Variants in FAT3 observed in about 807,000 individuals in gnomAD.
FAT3 encodes the protein FAT atypical cadherin 3.
FAT3 carries 95 observed loss-of-function variants against 310.2 expected under a neutral mutation model. That is an observed-to-expected ratio of 0.31 (90% CI 0.26 to 0.36). FAT3 has a LOEUF of 0.36. Among genes scored for constraint, FAT3 ranks in the 10% least tolerant of loss-of-function variants. The pLI is 1.00. For missense variants in FAT3, 5,408 were observed against 5,715.6 expected (o/e 0.95, Z 1.74); for synonymous variants, 2,314 against 2,192.9 (o/e 1.06, Z -1.54).
chr11:92,248,776 A>G (rs1428878267), intron 1 of FAT3, among the ~76,000 whole-genome samples: 1 of 152,150 alleles, frequency 6.6e-6, no homozygotes, highest in Non-Finnish European at 1.5e-5. Flanking sequence ...TTAGTAAGGC[A>G]TATAGTTTCT....
chr11:92,666,286 G>A (rs895888447), intron 3 of FAT3, among the ~76,000 whole-genome samples: 37 of 151,964 alleles, frequency 2.4e-4, no homozygotes, highest in African/African-American at 8.7e-4. Flanking sequence ...TGGCTGAGGA[G>A]CAGCTAATAC....
chr11:92,788,451 T>C (rs558799988), intron 7 of FAT3, among the ~76,000 whole-genome samples: 1 of 152,340 alleles, frequency 6.6e-6, no homozygotes, highest in African/African-American at 2.4e-5. Flanking sequence ...ATATGAAATG[T>C]ACTTCACAGT....
chr11:92,354,508 T>C lies in FAT3; in HGVS notation c.2396T>C (p.Leu799Pro), dbSNP rs747027092. 24 of 1,613,748 alleles carry C rather than the reference T, an allele frequency of 1.5e-5. No homozygotes were observed. In the South Asian group the frequency reaches 2.5e-4, roughly 17 times the overall value. Residue 799 changes from leucine to proline, a missense_variant, in exon 2 of 28, where the codon CTT (leucine) becomes CCT (proline). Leu to Pro is a moderately conservative substitution (Grantham distance 98). Transcript: ENST00000525166. Reference sequence around the variant, plus strand: ...CGAGAACACACAGACCTCTATCTCCTTAATATCACCATCTATGACTTAGGT... The same window carrying C: ...CGAGAACACACAGACCTCTATCTCCCTAATATCACCATCTATGACTTAGGT... ...MDREHTDLYL[L>P]NITIYDLGNP...
At chr11:92,605,264 T>G (rs1420765880) in intron 3 of FAT3, among the ~76,000 whole-genome samples, 1 of 152,196 alleles carries the variant, frequency 6.6e-6, no homozygotes, top group Non-Finnish European at 1.5e-5. Context: ...ACCTTCCCTC[T>G]TATCATTGAG....
Position 92,762,090 on chromosome 11 carries a change from G to A in FAT3, c.3904G>A (p.Gly1302Arg), listed in dbSNP as rs568235366. The A allele has an allele frequency of 1.5e-5, 24 of 1,613,966 alleles. No individual in the cohort carries two copies. The highest frequency in any genetic ancestry group is 5.5e-5 in the South Asian group (5 of 91,076). Residue 1302 changes from glycine to arginine, a missense_variant, in exon 5 of 28, where the codon GGA becomes AGA. By Grantham distance (125) the Gly-to-Arg change is moderately radical. This residue lies in a region of FAT3 where 4,588 missense variants were observed against 4,809.8 expected (regional missense o/e 0.95). Coordinates refer to ENST00000525166, the MANE Select transcript of FAT3 (RefSeq NM_001367949.2). ...CAGTATTGTGGATGGGAATGATGACGGAAAGTTCTTTATTGACCCTAAAAC... is the reference window on the plus strand; with the variant it reads ...CAGTATTGTGGATGGGAATGATGACAGAAAGTTCTTTATTGACCCTAAAAC... ...SYSIVDGNDD[G>R]KFFIDPKTGM...
chr11:92,609,538 C>A (rs1940465930), intron 3 of FAT3, among the ~76,000 whole-genome samples: 1 of 152,130 alleles, frequency 6.6e-6, no homozygotes, highest in African/African-American at 2.4e-5. Flanking sequence ...ATACCAAAAG[C>A]TCATTGTAGC....
chr11:92,689,332 A>C (rs576595942), intron 3 of FAT3, among the ~76,000 whole-genome samples: 1 of 152,194 alleles, frequency 6.6e-6, no homozygotes, highest in Non-Finnish European at 1.5e-5. Flanking sequence ...ATTCAGAATT[A>C]TGAAAAAAAT....
intron 3 of FAT3, among the ~76,000 whole-genome samples, chr11:92,603,414 CTTGA>C (rs745358646): frequency 2.6e-5 from 4 of 152,166 alleles, no homozygotes; most frequent in South Asian, 2.1e-4. Context: ...AGATTAATTG[CTTGA>C]TTATTTCAAT....
intron 3 of FAT3, among the ~76,000 whole-genome samples, chr11:92,657,148 C>T (rs886537727): frequency 4.6e-5 from 7 of 152,122 alleles, no homozygotes; most frequent in African/African-American, 1.7e-4. Context: ...TTGTATAAAG[C>T]ATGCCCGTTT....
Position 92,354,871 on chromosome 11 carries a change from T to C in FAT3, c.2759T>C (p.Val920Ala), listed in dbSNP as rs767793262. 6 of 1,613,904 alleles carry C rather than the reference T, an allele frequency of 3.7e-6. No individual in the cohort carries two copies. The East Asian group carries it at 1.3e-4, about 36-fold the overall frequency. The part of the protein sequence containing the change: ...AESGQQLFSV[V>A]TLKVFLDDVN... ...AGTGGTCAGCAGCTGTTTTCAGTTG[T>C]CACTCTTAAAGTTTTTTTAGATGAT... Residue 920 changes from valine (V) to alanine (A), a missense_variant, in exon 2 of 28, where the codon GTC becomes GCC. Val to Ala is a moderately conservative substitution (Grantham distance 64). Coordinates refer to ENST00000525166, the MANE Select transcript of FAT3 (RefSeq NM_001367949.2).
chr11:92,256,576 T>A (rs1000779089), intron 1 of FAT3, among the ~76,000 whole-genome samples: 2 of 152,130 alleles, frequency 1.3e-5, no homozygotes, highest in African/African-American at 4.8e-5. Flanking sequence ...CCATGTATCA[T>A]TTGGCATGTG....
chr11:92,238,300 AACTT>A (rs549062960), intron 1 of FAT3, among the ~76,000 whole-genome samples: 1 of 152,252 alleles, frequency 6.6e-6, no homozygotes, highest in East Asian at 1.9e-4. Context: ...GAAACATATT[AACTT>A]ACTTAGTCAT....
intron 1 of FAT3, among the ~76,000 whole-genome samples, chr11:92,227,417 A>G (rs1203299296): frequency 6.6e-6 from 1 of 152,174 alleles, no homozygotes; most frequent in Non-Finnish European, 1.5e-5. Flanking sequence ...GCGGCCAGAA[A>G]GACTGCAGAC....
At chr11:92,825,060 A>AT (rs1472474149) in intron 13 of FAT3, among the ~76,000 whole-genome samples, 1 of 152,234 alleles carries the variant, frequency 6.6e-6, no homozygotes, top group Non-Finnish European at 1.5e-5. Flanking sequence ...ACATTGTTAA[A>AT]TATTAAAAAA....
chr11:92,379,364 G>A (rs956330832), intron 2 of FAT3, among the ~76,000 whole-genome samples: 20 of 152,248 alleles, frequency 1.3e-4, no homozygotes, highest in African/African-American at 4.6e-4. Context: ...CCATAGCTTT[G>A]TTTCTCTTCT....
intron 3 of FAT3, among the ~76,000 whole-genome samples, chr11:92,601,973 A>C (rs1466486877): frequency 6.6e-6 from 1 of 152,140 alleles, no homozygotes; most frequent in African/African-American, 2.4e-5. Context: ...TGTTTAGAAC[A>C]TACTTGAATC....
At chr11:92,510,410 A>T (rs974903501) in intron 2 of FAT3, among the ~76,000 whole-genome samples, 1 of 152,112 alleles carries the variant, frequency 6.6e-6, no homozygotes, top group South Asian at 2.1e-4. Flanking sequence ...GAATCATCTA[A>T]GTTATAGGAG....
chr11:92,326,731 T>G (rs1947778644), intron 1 of FAT3, among the ~76,000 whole-genome samples: 2 of 152,218 alleles, frequency 1.3e-5, no homozygotes, highest in East Asian at 3.8e-4. Context: ...GTATTTTCCT[T>G]GTACAGTCTG....
chr11:92,612,031 A>G (rs962907737), intron 3 of FAT3, among the ~76,000 whole-genome samples: 3 of 152,244 alleles, frequency 2.0e-5, no homozygotes, highest in Non-Finnish European at 4.4e-5. Context: ...AAGATAATAC[A>G]TAAACAGTGC....
Sources: allele counts gnomAD v4.1 joint callset (sites outside exome capture counted in the v4.1 genomes callset), GRCh38; gene constraint gnomAD v4.1.1; regional missense constraint gnomAD v4.1.1; transcripts MANE v1.5; gene names NCBI Gene and HGNC (gene_info 2026-07-23, HGNC 2026-07-21).